SLC17A2: variants seen among roughly 807,000 people sequenced by gnomAD.
SLC17A2 encodes solute carrier family 17 member 2, also known as sodium-dependent phosphate transport protein 3.
Under a neutral mutation model 52.1 loss-of-function variants are expected in SLC17A2, and 38 were observed. The observed-to-expected ratio is 0.73, with a 90% CI of 0.56 to 0.96. SLC17A2 has a LOEUF of 0.96. Among genes scored for constraint, SLC17A2 ranks in the 40% least tolerant of loss-of-function variants. The pLI, the probability that SLC17A2 is intolerant of heterozygous loss-of-function variation, is 0.00. For missense variants in SLC17A2, 508 were observed against 583.9 expected (o/e 0.87, Z 1.34); for synonymous variants, 226 against 211.9 (o/e 1.07, Z -0.58).
chr6:25,923,877 G>A lies in SLC17A2; in HGVS notation c.58C>T (p.Leu20=). ...TTTGAGAAGTGCATGATAAGAGCCA[G>A]CCCATAGCGTAATGAACAGAAATCT... is the stretch of plus-strand genomic sequence containing the variant. The part of the protein sequence containing the change: ...GPDFCSLRYG[L]ALIMHFSNFT... The change falls in exon 3 of 12, where the codon CTG becomes TTG. Residue 20 remains leucine, a synonymous_variant. Transcript: ENST00000377850. 1.9e-6 allele frequency: 3 copies of A among 1,614,162 alleles called. No individual in the cohort carries two copies. The highest frequency in any genetic ancestry group is 2.5e-6 in the Non-Finnish European group (3 of 1,180,040).
intron 11 of SLC17A2, 33 bp from the exon 12 acceptor site, chr6:25,913,484 T>G: frequency 6.2e-7 from 1 of 1,608,120 alleles, no homozygotes; most frequent in Non-Finnish European, 8.5e-7. Context: ...ATGATCAATC[T>G]CACAAGTTCC....
chr6:25,919,171 T>C (rs149258661), intron 5 of SLC17A2, among the ~76,000 whole-genome samples: 8 of 152,268 alleles, frequency 5.3e-5, no homozygotes, highest in Admixed American at 1.3e-4. Context: ...ACCACACACA[T>C]ATGCCTCAAA....
chr6:25,916,166 C>T (rs1231501887), intron 8 of SLC17A2, among the ~76,000 whole-genome samples: 1 of 152,192 alleles, frequency 6.6e-6, no homozygotes, highest in East Asian at 1.9e-4. Context: ...ATGCAACCTC[C>T]ACCTCCTGGG....
chr6:25,915,866 A>C lies in SLC17A2; in HGVS notation c.933T>G (p.Ser311Arg). 6.2e-7 allele frequency: 1 copy of C among 1,613,278 alleles called. No homozygotes were observed. Among genetic ancestry groups the C allele is most frequent in the Non-Finnish European group, 8.5e-7 (1 of 1,179,738 alleles). Residue 311 changes from serine to arginine, a missense_variant and splice_region_variant, in exon 9 of 12, where the codon AGT (serine) becomes AGG (arginine). Physicochemically the swap from Ser to Arg is moderately radical, Grantham distance 110. Coordinates refer to ENST00000377850, the MANE Select transcript of SLC17A2 (RefSeq NM_001286123.3). ...STLLHVNIRD[S>R]GVLSSLPFIA... ...TAAAAGGCAGGGAGGACAGAACTCCACTCTGAAGGAAGGAAGTTTATACAG... is the reference window on the plus strand; with the variant it reads ...TAAAAGGCAGGGAGGACAGAACTCCCCTCTGAAGGAAGGAAGTTTATACAG...
chr6:25,926,020 G>T (rs1341477678), intron 1 of SLC17A2, 141 bp from the exon 2 acceptor site: 2 of 599,116 alleles, frequency 3.3e-6, no homozygotes, highest in Non-Finnish European at 3.0e-6. Flanking sequence ...GTATGCTTTT[G>T]GTTACAGGAT....
chr6:25,920,620 A>G lies in SLC17A2; in HGVS notation c.562+386T>C, dbSNP rs545757326. ...CTCTTCCAGCCTGATTTCTCTCCTT[A>G]CCACCTGGAGCTGTGGTAGCCTTAA... On this transcript the variant is annotated intron_variant, in intron 5 of 11. Coordinates refer to ENST00000377850, the MANE Select transcript of SLC17A2 (RefSeq NM_001286123.3). Among the ~76,000 whole-genome samples, 19 of 152,312 alleles carry G rather than the reference A, an allele frequency of 1.2e-4. 1 individual carries two copies. The South Asian group carries it at 3.9e-3, about 32-fold the overall frequency.
intron 1 of SLC17A2, among the ~76,000 whole-genome samples, chr6:25,926,578 T>C (rs968733593): frequency 2.0e-5 from 3 of 152,178 alleles, no homozygotes; most frequent in African/African-American, 7.2e-5. Context: ...GCTCTAAATA[T>C]GGACATGTTT....
In SLC17A2 at chr6:25,921,237, G is replaced by A; in HGVS notation, c.416C>T (p.Ala139Val). 1.2e-6 allele frequency: 2 copies of A among 1,614,158 alleles called. No homozygotes were observed. The highest frequency in any genetic ancestry group is 1.1e-5 in the South Asian group (1 of 91,076). The part of the protein sequence containing the change: ...SSLLTLFTPL[A>V]ADFGVILVIM... Reference sequence around the variant, plus strand: ...GACCAAAATCACTCCGAAGTCAGCAGCCAGTGGTGTAAAGAGGGTGAGAAG... The same window carrying A: ...GACCAAAATCACTCCGAAGTCAGCAACCAGTGGTGTAAAGAGGGTGAGAAG... The change falls in exon 4 of 12, where the codon GCT (alanine) becomes GTT (valine). Residue 139 changes from alanine (A) to valine (V), a missense_variant. Coordinates refer to ENST00000377850, the MANE Select transcript of SLC17A2 (RefSeq NM_001286123.3).
At chr6:25,923,975 A>G in intron 2 of SLC17A2, 69 bp from the exon 3 acceptor site, 1 of 1,245,524 alleles carries the variant, frequency 8.0e-7, no homozygotes, top group Non-Finnish European at 1.2e-6. Flanking sequence ...TTTCTCTCAC[A>G]GCTCGATCTG....
At chr6:25,929,277 A>C (rs796888407) in intron 1 of SLC17A2, among the ~76,000 whole-genome samples, 5 of 152,350 alleles carry the variant, frequency 3.3e-5, no homozygotes, top group African/African-American at 9.6e-5. Flanking sequence ...TCACTGTTTC[A>C]TAGGAAGAAT....
rs1267350500 is a variant in SLC17A2 at position 25,916,949 on chromosome 6, G to T, written c.768+20C>A. ...CTAGAGACCTCTGCATGGGCCACAG[G>T]TACAAGGTGTGCACTGTACCTGTTG... is the stretch of plus-strand genomic sequence containing the variant. On this transcript the variant is annotated intron_variant, in intron 7 of 11. Transcript: ENST00000377850. The T allele has an allele frequency of 6.2e-7, 1 of 1,606,392 alleles. No homozygotes were observed. Among genetic ancestry groups the T allele is most frequent in the South Asian group, 1.1e-5 (1 of 87,942 alleles).
At chr6:25,915,190 T>C (rs1766261890) in intron 10 of SLC17A2, among the ~76,000 whole-genome samples, 1 of 143,146 alleles carries the variant, frequency 7.0e-6, no homozygotes, top group Admixed American at 7.0e-5. Flanking sequence ...GTAGCTAATA[T>C]GAACAACACC....
chr6:25,918,859 C>A (rs371795189), intron 5 of SLC17A2, among the ~76,000 whole-genome samples: 38 of 152,304 alleles, frequency 2.5e-4, no homozygotes, highest in Middle Eastern at 3.4e-3. Context: ...CTATCACAGC[C>A]CATTAGCATT....
chr6:25,918,444 C>T lies in SLC17A2; in HGVS notation c.649+43G>A, dbSNP rs1766411228. 3 of 1,362,124 alleles carry T rather than the reference C, an allele frequency of 2.2e-6. No individual in the cohort carries two copies. The Admixed American group carries it at 5.1e-5, about 23-fold the overall frequency. 84.4% of individuals were successfully genotyped at this position (1,362,124 alleles called of 1,614,324 possible). A position where few individuals can be genotyped will look rare whatever the true frequency, so the allele number is the denominator to read the frequency against. ...GGTGGTGTAGGTGCCAAAATGGATG[C>T]TCAGGAAATGGAGGCGTTAGGATTT... On this transcript the variant is annotated intron_variant, in intron 6 of 11. Transcript: ENST00000377850.
At chr6:25,926,471 A>G (rs904513496) in intron 1 of SLC17A2, among the ~76,000 whole-genome samples, 2 of 152,226 alleles carry the variant, frequency 1.3e-5, no homozygotes, top group Non-Finnish European at 1.5e-5. Context: ...TTGGACTGAC[A>G]AAGTCTTCAT....
At position 25,912,820 on chromosome 6, in the gene SLC17A2, T is replaced by C. The variant is rs1581552069; in HGVS notation, c.*497A>G. On this transcript the variant is annotated 3_prime_UTR_variant, in exon 12 of 12. Coordinates refer to ENST00000377850, the MANE Select transcript of SLC17A2 (RefSeq NM_001286123.3). ...AAATAAACGTCTATGTTTTACAATG[T>C]ATAAAAAATAATAAAAACTTTAATT... is the stretch of plus-strand genomic sequence containing the variant. The C allele has an allele frequency of 1.3e-5, 2 of 152,112 alleles. No homozygotes were observed. The highest frequency in any genetic ancestry group is 1.9e-4 in the East Asian group (1 of 5,206). The allele number at this position is 152,112 out of a possible 1,614,324, so 9.4% of individuals were successfully genotyped here.
At chr6:25,925,087 A>G (rs1047400981) in intron 2 of SLC17A2, among the ~76,000 whole-genome samples, 2 of 152,164 alleles carry the variant, frequency 1.3e-5, no homozygotes, top group Non-Finnish European at 2.9e-5. Flanking sequence ...AATGGCCAAA[A>G]AAGCTCACAG....
chr6:25,928,580 G>T (rs770053272), intron 1 of SLC17A2, among the ~76,000 whole-genome samples: 24 of 152,118 alleles, frequency 1.6e-4, no homozygotes, highest in Non-Finnish European at 7.4e-5. Context: ...GGTAATTTCA[G>T]TTCTTCGTTT....
intron 3 of SLC17A2, among the ~76,000 whole-genome samples, chr6:25,922,684 T>A (rs181937719): frequency 6.6e-6 from 1 of 152,320 alleles, no homozygotes; most frequent in East Asian, 1.9e-4. Context: ...ATTATAGGGA[T>A]GACATGGGAA....
Sources: allele counts gnomAD v4.1 joint callset (sites outside exome capture counted in the v4.1 genomes callset), GRCh38; gene constraint gnomAD v4.1.1; transcripts MANE v1.5; gene names NCBI Gene and HGNC (gene_info 2026-07-23, HGNC 2026-07-21).